The following RMDN2 variants were observed in gnomAD, a reference collection of about 807,000 sequenced individuals.
RMDN2 encodes the protein regulator of microtubule dynamics 2.
Under a neutral mutation model 52.8 loss-of-function variants are expected in RMDN2, and 61 were observed. The observed-to-expected ratio is 1.16, with a 90% confidence interval of 0.94 to 1.43. The LOEUF (loss-of-function observed/expected upper bound fraction) is 1.43. Ranked by LOEUF, RMDN2 falls within the 40% of genes most tolerant of loss-of-function variation. RMDN2 has a pLI of 0.00. For missense variants in RMDN2, 592 were observed against 475.3 expected (o/e 1.25, Z -2.28); for synonymous variants, 180 against 153.1 (o/e 1.18, Z -1.30).
At chr2:37,990,460 A>G (rs1364717582) in intron 6 of RMDN2, among the ~76,000 whole-genome samples, 1 of 132,504 alleles carries the variant, frequency 7.5e-6, no homozygotes, top group Non-Finnish European at 1.5e-5. Context: ...CGGAGGTTGC[A>G]GTGAGCCATG....
In RMDN2 at chr2:38,054,903, C is replaced by T. The variant is rs879628204; in HGVS notation, c.1714-12079C>T. ...TAAGGGCTCTGCTCTCTCAAAAGGA[C>T]GGGGGGACAAAGGGCTCCAAGTGTC... On this transcript the variant is annotated intron_variant, in intron 10 of 10. Transcript: ENST00000234195. Among the ~76,000 whole-genome samples, 5 of 151,992 alleles carry T rather than the reference C, an allele frequency of 3.3e-5. No homozygotes were observed. In the South Asian group the frequency reaches 8.3e-4, roughly 25 times the overall value.
intron 10 of RMDN2, among the ~76,000 whole-genome samples, chr2:38,031,171 C>T (rs1009060528): frequency 6.6e-6 from 1 of 151,898 alleles, no homozygotes; most frequent in Non-Finnish European, 1.5e-5. Context: ...AGTAAGGTGC[C>T]CTGTACTACT....
chr2:38,042,722 A>G (rs965719066), intron 10 of RMDN2, among the ~76,000 whole-genome samples: 2 of 152,158 alleles, frequency 1.3e-5, no homozygotes, highest in Non-Finnish European at 2.9e-5. Flanking sequence ...TTAATCCAAA[A>G]TATTTTAAAA....
intron 10 of RMDN2, among the ~76,000 whole-genome samples, chr2:38,011,883 C>T (rs1361148163): frequency 6.6e-6 from 1 of 152,154 alleles, no homozygotes; most frequent in Non-Finnish European, 1.5e-5. Context: ...ACAGATTGTA[C>T]CAGCCTCCCA....
chr2:37,954,175 T>C (rs1381517084), intron 2 of RMDN2, among the ~76,000 whole-genome samples: 1 of 152,114 alleles, frequency 6.6e-6, no homozygotes, highest in African/African-American at 2.4e-5. Context: ...GATTATGTCC[T>C]TTGATCCATA....
chr2:37,936,654 C>CT (rs548848817), intron 2 of RMDN2, among the ~76,000 whole-genome samples: 1 of 152,146 alleles, frequency 6.6e-6, no homozygotes. Flanking sequence ...TGATGATGAG[C>CT]TTTTTTTCTT....
intron 5 of RMDN2, among the ~76,000 whole-genome samples, chr2:37,982,652 A>C (rs1168251770): frequency 6.6e-6 from 1 of 152,146 alleles, no homozygotes; most frequent in African/African-American, 2.4e-5. Flanking sequence ...TAGGGATTGG[A>C]GTACCTAATA....
chr2:37,943,446 A>G (rs1424939035), intron 2 of RMDN2, among the ~76,000 whole-genome samples: 1 of 152,228 alleles, frequency 6.6e-6, no homozygotes, highest in Non-Finnish European at 1.5e-5. Context: ...TAACCATGTA[A>G]CTTCACTTCT....
At chr2:37,938,590 C>T (rs1054643755) in intron 2 of RMDN2, among the ~76,000 whole-genome samples, 71 of 152,230 alleles carry the variant, frequency 4.7e-4, no homozygotes, top group African/African-American at 1.3e-3. Context: ...TTGGTCTATT[C>T]GGGGATTTGA....
At chr2:38,011,894 G>T (rs1425423144) in intron 10 of RMDN2, among the ~76,000 whole-genome samples, 2 of 152,132 alleles carry the variant, frequency 1.3e-5, no homozygotes, top group Admixed American at 1.3e-4. Context: ...CAGCCTCCCA[G>T]TCATTCTCCT....
At chr2:38,031,547 CCTAA>C (rs1680207367) in intron 10 of RMDN2, among the ~76,000 whole-genome samples, 1 of 152,096 alleles carries the variant, frequency 6.6e-6, no homozygotes, top group Non-Finnish European at 1.5e-5. Context: ...TTATGATCTA[CCTAA>C]CTGTCACAAA....
At chr2:37,984,039 G>A (rs1217964578) in intron 5 of RMDN2, among the ~76,000 whole-genome samples, 1 of 152,110 alleles carries the variant, frequency 6.6e-6, no homozygotes, top group East Asian at 1.9e-4. Flanking sequence ...AGTATTATAT[G>A]ATGGTTTACA....
intron 10 of RMDN2, among the ~76,000 whole-genome samples, chr2:38,046,945 T>C (rs1293457763): frequency 6.6e-6 from 1 of 151,518 alleles, no homozygotes; most frequent in African/African-American, 2.4e-5. Context: ...ATTGCGCCAC[T>C]GCACTCCAGC....
intron 7 of RMDN2, among the ~76,000 whole-genome samples, chr2:37,994,308 C>T (rs912949643): frequency 5.9e-5 from 9 of 152,164 alleles, no homozygotes; most frequent in Non-Finnish European, 1.3e-4. Flanking sequence ...GAGCAAAATT[C>T]AGTGCTGCTT....
chr2:38,048,898 G>A lies in RMDN2; in HGVS notation c.1714-18084G>A, dbSNP rs1681429862. On this transcript the variant is annotated intron_variant, in intron 10 of 10. Coordinates refer to the RMDN2 transcript ENST00000234195. ...CAGTTGCACAAAAGATTTTAAATAT[G>A]GCTTTAATTGATTGACTAACTCATT... 2.0e-5 allele frequency among the ~76,000 whole-genome samples: 3 copies of A among 152,310 alleles called. No homozygotes were observed. The East Asian group carries it at 5.8e-4, about 29-fold the overall frequency.
At chr2:37,979,935 C>A (rs938623810) in intron 4 of RMDN2, among the ~76,000 whole-genome samples, 1 of 152,108 alleles carries the variant, frequency 6.6e-6, no homozygotes. Flanking sequence ...TATTTGTTCA[C>A]ACTGCAGTTA....
chr2:37,991,218 A>G lies in RMDN2; in HGVS notation c.868-2A>G. The G allele has an allele frequency of 1.9e-5, 30 of 1,552,288 alleles. No individual in the cohort carries two copies. The highest frequency in any genetic ancestry group is 2.6e-5 in the Non-Finnish European group (30 of 1,144,280). Reference sequence around the variant, plus strand: ...TGATTTTCCTTTGGATGCTTTTTTCAGGAACATCTAGATATAGCAATCAAA... The same window carrying G: ...TGATTTTCCTTTGGATGCTTTTTTCGGGAACATCTAGATATAGCAATCAAA... On this transcript the variant is annotated splice_acceptor_variant, in intron 6 of 10. Coordinates refer to ENST00000354545, the MANE Select transcript of RMDN2 (RefSeq NM_001170791.3). LOFTEE classifies it high-confidence loss of function.
intron 10 of RMDN2, among the ~76,000 whole-genome samples, chr2:38,063,540 A>C (rs1246570195): frequency 1.3e-5 from 2 of 152,212 alleles, no homozygotes; most frequent in Non-Finnish European, 2.9e-5. Flanking sequence ...ACAAAAGCCA[A>C]AATTGACAAA....
chr2:38,016,665 A>G (rs987496572), intron 10 of RMDN2, among the ~76,000 whole-genome samples: 2 of 152,182 alleles, frequency 1.3e-5, no homozygotes, highest in Admixed American at 6.5e-5. Context: ...AGGTGGTCTC[A>G]CTCAAGTTTC....
Sources: allele counts gnomAD v4.1 joint callset (sites outside exome capture counted in the v4.1 genomes callset), GRCh38; gene constraint gnomAD v4.1.1; transcripts MANE v1.5; gene names NCBI Gene and HGNC (gene_info 2026-07-23, HGNC 2026-07-21).